Variants in ZAP70 observed in about 807,000 individuals in gnomAD.
ZAP70 encodes zeta chain of T cell receptor associated protein kinase 70, also known as tyrosine-protein kinase ZAP-70.
Under a neutral mutation model 65.8 loss-of-function variants are expected in ZAP70, and 27 were observed. That is an observed-to-expected ratio of 0.41 (90% CI 0.30 to 0.57). The LOEUF is 0.57. ZAP70 is among the 20% of genes least tolerant of loss of function. The pLI is 0.28. For synonymous variants in ZAP70, 363 were observed against 360.8 expected, an observed-to-expected ratio of 1.01 and a Z score of -0.07; for missense variants, 696 against 870.5, an observed-to-expected ratio of 0.80 and a Z score of 2.52.
At chr2:97,740,020 T>C (rs1678082958), downstream of ZAP70, among the ~76,000 whole-genome samples, 1 of 152,082 alleles carries the variant, frequency 6.6e-6, no homozygotes, top group African/African-American at 2.4e-5. Flanking sequence ...GACACCTTCA[T>C]GTGAGTGAGC....
intron 2 of ZAP70, among the ~76,000 whole-genome samples, chr2:97,716,504 G>C (rs1286395094): frequency 6.6e-6 from 1 of 152,192 alleles, no homozygotes; most frequent in Non-Finnish European, 1.5e-5. Flanking sequence ...GAGAGAGAAG[G>C]AGAGGCTATT....
At chr2:97,744,276 G>T (rs974779446), downstream of ZAP70, among the ~76,000 whole-genome samples, 3 of 152,162 alleles carry the variant, frequency 2.0e-5, no homozygotes, top group African/African-American at 7.2e-5. Flanking sequence ...CTGGGAGAAT[G>T]GCCTCTACCC....
At chr2:97,718,629 T>G (rs985651288) in intron 2 of ZAP70, among the ~76,000 whole-genome samples, 1 of 152,156 alleles carries the variant, frequency 6.6e-6, no homozygotes, top group Non-Finnish European at 1.5e-5. Flanking sequence ...CTGGGACTCC[T>G]TAGCCTCGGG....
At chr2:97,724,620 C>A in intron 3 of ZAP70, 182 bp downstream of exon 3, 2 of 1,533,422 alleles carry the variant, frequency 1.3e-6, no homozygotes, top group Non-Finnish European at 1.7e-6. Context: ...GCAGGGGCTC[C>A]GTGGTGGCGG....
At chr2:97,734,054 C>G (rs1677737309) in intron 8 of ZAP70, 1 of 277,638 alleles carries the variant, frequency 3.6e-6, no homozygotes, top group Non-Finnish European at 6.9e-6. Flanking sequence ...CTAAAATGGT[C>G]TGCTGCGGGT....
At chr2:97,717,492 G>A (rs555719700) in intron 2 of ZAP70, among the ~76,000 whole-genome samples, 3 of 148,994 alleles carry the variant, frequency 2.0e-5, no homozygotes, top group East Asian at 3.9e-4. Context: ...GGGGGGACAC[G>A]TGGAGCCTCT....
At chr2:97,732,664 T>C in intron 4 of ZAP70, 1 of 647,142 alleles carries the variant, frequency 1.5e-6, no homozygotes. Context: ...TGCATTTTCC[T>C]GGGAACACAG....
At chr2:97,746,825 A>C in the ZAP70 span, among the ~76,000 whole-genome samples, 5 of 152,230 alleles carry the variant, frequency 3.3e-5, no homozygotes, top group African/African-American at 1.2e-4. Context: ...CAAATCATAT[A>C]TTGGGGAAGA....
At chr2:97,725,024 C>T (rs959542208) in intron 3 of ZAP70, 68 bp from the exon 4 acceptor site, 52 of 1,601,460 alleles carry the variant, frequency 3.2e-5, no homozygotes, top group Admixed American at 1.0e-4. Flanking sequence ...GGACAGGGCT[C>T]CCGGAAGGGG....
intron 3 of ZAP70, chr2:97,724,884 G>T (rs1241977529): frequency 6.5e-7 from 1 of 1,531,574 alleles, no homozygotes; most frequent in Non-Finnish European, 8.7e-7. Context: ...GCTTGGGGCC[G>T]CGCTGGAAGG....
In ZAP70 at chr2:97,715,632, C is replaced by T. The variant is rs1173720003; in HGVS notation, c.-22+1638C>T. Among the ~76,000 whole-genome samples the T allele has an allele frequency of 6.6e-6, 1 of 152,190 alleles. No homozygotes were observed. The highest frequency in any genetic ancestry group is 1.5e-5 in the Non-Finnish European group (1 of 68,044). Reference sequence around the variant, plus strand: ...CAGCTCTCCAGGGTCTCCTAATAGACATTTGCTGGAGTGGTTAGTGCTGGC... The same window carrying T: ...CAGCTCTCCAGGGTCTCCTAATAGATATTTGCTGGAGTGGTTAGTGCTGGC... On this transcript the variant is annotated intron_variant, in intron 2 of 13. Coordinates refer to ENST00000264972, the MANE Select transcript of ZAP70 (RefSeq NM_001079.4). This position sits in a 1 kb window ranked among gnomAD's most constrained non-coding sequence, Gnocchi z 4.1.
chr2:97,731,212 A>G lies in ZAP70; in HGVS notation c.564-1671A>G, dbSNP rs1018252122. ...CTTCTCACAGTCCCTGGAGACCATC[A>G]CCTCCAGGCCAGCCTGCCACCTGCC... On this transcript the variant is annotated intron_variant, in intron 4 of 13. Transcript: ENST00000264972. The surrounding 1 kb of genome is among the most constrained non-coding windows in gnomAD (Gnocchi z 4.0). 6.6e-6 allele frequency among the ~76,000 whole-genome samples: 1 copy of G among 151,402 alleles called. No individual in the cohort carries two copies. Among genetic ancestry groups the G allele is most frequent in the Non-Finnish European group, 1.5e-5 (1 of 67,842 alleles).
intron 4 of ZAP70, among the ~76,000 whole-genome samples, chr2:97,727,543 C>T (rs890471110): frequency 2.0e-5 from 3 of 152,176 alleles, no homozygotes; most frequent in African/African-American, 7.2e-5. Context: ...TGCTCATATC[C>T]CCCTCGTCCA....
At position 97,731,289 on chromosome 2, in the gene ZAP70, C is replaced by T. The variant is rs1677594553; in HGVS notation, c.564-1594C>T. 6.6e-6 allele frequency among the ~76,000 whole-genome samples: 1 copy of T among 152,156 alleles called. No homozygotes were observed. Among genetic ancestry groups the T allele is most frequent in the Non-Finnish European group, 1.5e-5 (1 of 68,030 alleles). ...CAGGGCCAATAGCCCTCCCTCCTCACTGGAAAGCTGCACTTAACAGGAGCT... is the reference window on the plus strand; with the variant it reads ...CAGGGCCAATAGCCCTCCCTCCTCATTGGAAAGCTGCACTTAACAGGAGCT... On this transcript the variant is annotated intron_variant, in intron 4 of 13. Transcript: ENST00000264972. This position sits in a 1 kb window ranked among gnomAD's most constrained non-coding sequence, Gnocchi z 4.0.
At chr2:97,738,310 C>G (rs1677995799) in intron 13 of ZAP70, 3 of 621,106 alleles carry the variant, frequency 4.8e-6, no homozygotes, top group Admixed American at 5.1e-5. Context: ...GTGTGCCACA[C>G]CCTGCCATCC....
At chr2:97,748,564 T>C in the ZAP70 span, among the ~76,000 whole-genome samples, 3 of 152,154 alleles carry the variant, frequency 2.0e-5, no homozygotes, top group Admixed American at 6.5e-5. Flanking sequence ...CTTTCTCACT[T>C]ATGATGCTGC....
the ZAP70 span, among the ~76,000 whole-genome samples, chr2:97,750,700 C>G: frequency 6.6e-6 from 1 of 152,200 alleles, no homozygotes; most frequent in Non-Finnish European, 1.5e-5. Context: ...GAGGTCAAGG[C>G]TTTTTCTAAT....
At chr2:97,732,832 G>A (rs888748746) in intron 4 of ZAP70, 51 bp from the exon 5 acceptor site, 1 of 1,611,274 alleles carries the variant, frequency 6.2e-7, no homozygotes, top group African/African-American at 1.3e-5. Context: ...GGGCACAGCA[G>A]GAGGCCCCCA....
At chr2:97,733,783 G>T (rs909751153) in intron 8 of ZAP70, 188 bp downstream of exon 8, 3 of 708,710 alleles carry the variant, frequency 4.2e-6, no homozygotes, top group African/African-American at 1.8e-5. Context: ...GTACGTCCCA[G>T]TGTGTACTGA....
Sources: gnomAD v4.1 joint callset for allele counts (sites outside exome capture counted in the v4.1 genomes callset) on GRCh38, gnomAD v4.1.1 for gene constraint, Gnocchi (gnomAD v3.1) non-coding constraint, MANE v1.5 for transcripts, NCBI Gene and HGNC (gene_info 2026-07-23, HGNC 2026-07-21) for gene names.